Variants in TCF4 observed in about 807,000 individuals in gnomAD.
TCF4 encodes SL3-3 enhancer factor 2.
TCF4 carries 3 observed loss-of-function variants against 82.1 expected under a neutral mutation model. That is an observed-to-expected ratio of 0.04 (90% CI 0.02 to 0.09). The LOEUF (loss-of-function observed/expected upper bound fraction) is 0.09. Ranked by LOEUF, TCF4 falls within the 10% of genes least tolerant of loss-of-function variation. The pLI, the probability that TCF4 is intolerant of heterozygous loss-of-function variation, is 1.00. For synonymous variants in TCF4, 276 were observed against 309.6 expected, an observed-to-expected ratio of 0.89 and a Z score of 1.14; for missense variants, 518 against 852.7, an observed-to-expected ratio of 0.61 and a Z score of 4.89.
chr18:55,487,001 T>C (rs2096524991), intron 3 of TCF4, among the ~76,000 whole-genome samples: 1 of 152,160 alleles, frequency 6.6e-6, no homozygotes, highest in African/African-American at 2.4e-5. Flanking sequence ...CACTGACAAC[T>C]GTCACTTCTC....
At chr18:55,313,832 G>A (rs373781384) in intron 8 of TCF4, among the ~76,000 whole-genome samples, 1 of 152,022 alleles carries the variant, frequency 6.6e-6, no homozygotes. Flanking sequence ...TTTTCAAAAT[G>A]TTTTCAAGGT....
At chr18:55,422,483 A>G (rs2094808957) in intron 5 of TCF4, 1 of 976,874 alleles carries the variant, frequency 1.0e-6, no homozygotes, top group East Asian at 1.1e-4. Context: ...AAATAAAAGT[A>G]CTTTCCTATT....
chr18:55,537,476 A>G (rs2097127043), intron 3 of TCF4, among the ~76,000 whole-genome samples: 1 of 151,898 alleles, frequency 6.6e-6, no homozygotes, highest in African/African-American at 2.4e-5. Context: ...TGTGATCCCA[A>G]CTACTCAAAA....
chr18:55,567,981 G>T (rs947114099), intron 3 of TCF4, among the ~76,000 whole-genome samples: 2 of 151,926 alleles, frequency 1.3e-5, no homozygotes, highest in East Asian at 3.8e-4. Context: ...AAAAAATATT[G>T]CAAGTATCAA....
intron 8 of TCF4, among the ~76,000 whole-genome samples, chr18:55,281,260 G>A (rs1251442777): frequency 6.6e-6 from 1 of 152,172 alleles, no homozygotes; most frequent in Non-Finnish European, 1.5e-5. Flanking sequence ...TCTAAGTTCT[G>A]TCAACCACAT....
chr18:55,372,250 T>G (rs1285988036), intron 6 of TCF4, among the ~76,000 whole-genome samples: 4 of 152,032 alleles, frequency 2.6e-5, no homozygotes, highest in Non-Finnish European at 5.9e-5. Context: ...TTTGAATTAT[T>G]CTTAAAGATA....
intron 15 of TCF4, among the ~76,000 whole-genome samples, chr18:55,241,599 A>C (rs1238440767): frequency 2.6e-5 from 4 of 152,160 alleles, no homozygotes; most frequent in Non-Finnish European, 4.4e-5. Context: ...CATGCTGCTG[A>C]CCTCCACACA....
At chr18:55,449,667 A>C (rs2095587463) in intron 5 of TCF4, among the ~76,000 whole-genome samples, 1 of 152,218 alleles carries the variant, frequency 6.6e-6, no homozygotes, top group South Asian at 2.1e-4. Flanking sequence ...TAATTTCGAG[A>C]CTCAGAAAGC....
intron 8 of TCF4, chr18:55,302,601 A>G: frequency 1.3e-6 from 2 of 1,529,636 alleles, no homozygotes; most frequent in Admixed American, 3.9e-5. Flanking sequence ...GGAGAGAGGG[A>G]ACTTCATGCT....
intron 15 of TCF4, among the ~76,000 whole-genome samples, chr18:55,244,083 C>T (rs1017131602): frequency 6.6e-6 from 1 of 152,164 alleles, no homozygotes; most frequent in Non-Finnish European, 1.5e-5. Context: ...TCTCTATTCC[C>T]GACTGGATAA....
At chr18:55,294,505 G>A (rs994015436) in intron 8 of TCF4, among the ~76,000 whole-genome samples, 2 of 152,108 alleles carry the variant, frequency 1.3e-5, no homozygotes, top group African/African-American at 4.8e-5. Context: ...AGTGTTGAAG[G>A]GAAGTATACA....
chr18:55,635,627 C>T (rs1282894146), intron 1 of TCF4: 1 of 1,477,388 alleles, frequency 6.8e-7, no homozygotes, highest in Non-Finnish European at 9.0e-7. Context: ...TATGTTTGGC[C>T]ATGGTGGCCA....
At chr18:55,322,399 A>AGAAAGGGGAGG (rs1260700088) in intron 8 of TCF4, 26 of 778,322 alleles carry the variant, frequency 3.3e-5, no homozygotes, top group Admixed American at 7.0e-5. Flanking sequence ...CTCGACTCGG[A>AGAAAGGGGAGG]GAAAGGGGAG....
At chr18:55,553,211 T>C (rs1402950420) in intron 3 of TCF4, 1 of 152,218 alleles carries the variant, frequency 6.6e-6, no homozygotes, top group Non-Finnish European at 1.5e-5. Context: ...TATACATACA[T>C]AGCAGTCACT....
At chr18:55,487,232 C>T (rs2096527135) in intron 3 of TCF4, among the ~76,000 whole-genome samples, 1 of 152,170 alleles carries the variant, frequency 6.6e-6, no homozygotes, top group South Asian at 2.1e-4. Context: ...AACATTCTTT[C>T]CCACACAACA....
chr18:55,322,015 G>T, intron 8 of TCF4: 2 of 1,206,292 alleles, frequency 1.7e-6, no homozygotes, highest in Non-Finnish European at 2.1e-6. Flanking sequence ...CAACTTTTCC[G>T]AGGGGTTTTT....
intron 8 of TCF4, among the ~76,000 whole-genome samples, chr18:55,296,660 G>T (rs997930988): frequency 1.3e-5 from 2 of 152,088 alleles, no homozygotes; most frequent in African/African-American, 4.8e-5. Context: ...CATCAAAGAG[G>T]GCCACATCAG....
At chr18:55,320,879 G>T (rs1205729228) in intron 8 of TCF4, 2 of 147,950 alleles carry the variant, frequency 1.4e-5, no homozygotes, top group African/African-American at 5.0e-5. Flanking sequence ...CCAGACGAAG[G>T]AAAAAAAAAA....
At chr18:55,608,048 T>A (rs1244384283) in intron 2 of TCF4, among the ~76,000 whole-genome samples, 1 of 152,228 alleles carries the variant, frequency 6.6e-6, no homozygotes, top group Non-Finnish European at 1.5e-5. Context: ...AAATGGAAGC[T>A]GCGTGCCACA....
Sources: gnomAD v4.1 joint callset for allele counts (sites outside exome capture counted in the v4.1 genomes callset) on GRCh38, gnomAD v4.1.1 for gene constraint, MANE v1.5 for transcripts, NCBI Gene and HGNC (gene_info 2026-07-23, HGNC 2026-07-21) for gene names.